The following PLEKHM3 variants were observed in gnomAD, a reference collection of about 807,000 sequenced individuals.
PLEKHM3 encodes the protein pleckstrin homology domain-containing family M member 3.
In PLEKHM3, 45 loss-of-function variants were observed where a neutral mutation model predicts 81.8. The observed-to-expected ratio is 0.55, with a 90% CI of 0.43 to 0.71. The LOEUF (loss-of-function observed/expected upper bound fraction) is 0.71. PLEKHM3 is among the 30% of genes least tolerant of loss of function. The pLI is 0.00. For synonymous variants in PLEKHM3, 352 were observed against 356.4 expected (o/e 0.99, Z 0.14); for missense variants, 788 against 924.3 (o/e 0.85, Z 1.91).
intron 6 of PLEKHM3, among the ~76,000 whole-genome samples, chr2:207,886,284 G>A (rs774685821): frequency 6.6e-5 from 10 of 152,108 alleles, no homozygotes; most frequent in Non-Finnish European, 1.5e-4. Flanking sequence ...TATGAGCCCA[G>A]GGGATTCCAA....
chr2:207,868,765 C>G (rs567445416), intron 6 of PLEKHM3: 3 of 152,114 alleles, frequency 2.0e-5, no homozygotes, highest in African/African-American at 7.2e-5. Flanking sequence ...AGGAAAAAAG[C>G]TATGAAGGCC....
chr2:207,896,871 C>A (rs1018208620), intron 6 of PLEKHM3, among the ~76,000 whole-genome samples: 8 of 152,104 alleles, frequency 5.3e-5, no homozygotes, highest in African/African-American at 1.7e-4. Flanking sequence ...TCTTTAAGCA[C>A]AAAAATGTGT....
intron 6 of PLEKHM3, among the ~76,000 whole-genome samples, chr2:207,872,359 T>C (rs574959646): frequency 9.8e-5 from 15 of 152,342 alleles, no homozygotes; most frequent in Admixed American, 3.3e-4. Context: ...CTTTGGCTTA[T>C]TGAAAAATAA....
intron 6 of PLEKHM3, among the ~76,000 whole-genome samples, chr2:207,871,014 G>A (rs2092531126): frequency 6.6e-6 from 1 of 152,096 alleles, no homozygotes; most frequent in Non-Finnish European, 1.5e-5. Flanking sequence ...AGGCTGAGGT[G>A]GGAGGATCCC....
At chr2:207,897,009 A>T (rs1688246447) in intron 6 of PLEKHM3, among the ~76,000 whole-genome samples, 1 of 152,236 alleles carries the variant, frequency 6.6e-6, no homozygotes, top group South Asian at 2.1e-4. Context: ...GAGGGTAGGT[A>T]GTACCACTCA....
At chr2:207,829,511 A>C (rs1485360835) in intron 7 of PLEKHM3, among the ~76,000 whole-genome samples, 1 of 152,180 alleles carries the variant, frequency 6.6e-6, no homozygotes, top group African/African-American at 2.4e-5. Context: ...TCTTGACCTC[A>C]GGTGATCCAC....
chr2:208,013,923 T>C (rs563647723), intron 1 of PLEKHM3, among the ~76,000 whole-genome samples: 5 of 152,332 alleles, frequency 3.3e-5, no homozygotes, highest in South Asian at 2.1e-4. Flanking sequence ...AAGTAATTAG[T>C]TGATTTATTT....
intron 5 of PLEKHM3, among the ~76,000 whole-genome samples, chr2:207,910,980 C>T (rs1026257125): frequency 2.0e-5 from 3 of 152,096 alleles, no homozygotes; most frequent in Admixed American, 6.5e-5. Flanking sequence ...ATGGTGATGC[C>T]ATTGGCCAAC....
intron 3 of PLEKHM3, among the ~76,000 whole-genome samples, chr2:207,952,659 C>T (rs905542845): frequency 2.0e-5 from 3 of 152,122 alleles, no homozygotes; most frequent in Non-Finnish European, 2.9e-5. Flanking sequence ...ACACAGGGCA[C>T]AAGCAATTTT....
At chr2:207,977,681 A>C in intron 2 of PLEKHM3, 95 bp from the exon 3 acceptor site, 1 of 1,064,322 alleles carries the variant, frequency 9.4e-7, no homozygotes, top group Non-Finnish European at 1.4e-6. Flanking sequence ...GAAACCACAC[A>C]GATCAGGGAC....
intron 3 of PLEKHM3, among the ~76,000 whole-genome samples, chr2:207,970,028 T>C (rs1444165881): frequency 6.6e-6 from 1 of 152,142 alleles, no homozygotes; most frequent in Non-Finnish European, 1.5e-5. Context: ...TTTTCTTTCT[T>C]CTCATACTGC....
In PLEKHM3 at chr2:207,966,969, G is replaced by C. The variant is rs372155627; in HGVS notation, c.1546+9682C>G. On this transcript the variant is annotated intron_variant, in intron 3 of 7. Coordinates refer to ENST00000427836, the MANE Select transcript of PLEKHM3 (RefSeq NM_001080475.3). The stretch of plus-strand genomic sequence containing the variant: ...TTCTTTATGGATCTGTTTTGTAAAA[G>C]CTTTCCTTTTCTTTCTTTTATTTTT... Among the ~76,000 whole-genome samples, 120 of 152,082 alleles carry C rather than the reference G, an allele frequency of 7.9e-4. 2 individuals are homozygous for C. Among genetic ancestry groups the C allele is most frequent in the African/African-American group, 2.7e-3 (114 of 41,504 alleles).
At chr2:207,840,424 T>G (rs931846519) in intron 7 of PLEKHM3, among the ~76,000 whole-genome samples, 10 of 152,212 alleles carry the variant, frequency 6.6e-5, no homozygotes, top group Admixed American at 2.6e-4. Flanking sequence ...CTCAAACTCC[T>G]GGCCTCAATG....
At chr2:207,941,453 G>C (rs895376332) in intron 4 of PLEKHM3, among the ~76,000 whole-genome samples, 2 of 151,984 alleles carry the variant, frequency 1.3e-5, no homozygotes, top group African/African-American at 4.8e-5. Flanking sequence ...GACCCCCTCA[G>C]GATATACAAA....
At chr2:208,012,619 G>A (rs1231803286) in intron 1 of PLEKHM3, among the ~76,000 whole-genome samples, 1 of 152,158 alleles carries the variant, frequency 6.6e-6, no homozygotes, top group African/African-American at 2.4e-5. Flanking sequence ...TGAGAGAAGT[G>A]TGGCAATGGG....
intron 6 of PLEKHM3, among the ~76,000 whole-genome samples, chr2:207,877,754 C>T (rs960589721): frequency 3.9e-5 from 6 of 152,208 alleles, no homozygotes; most frequent in African/African-American, 9.7e-5. Context: ...GAAGCTACTA[C>T]TGTCTTATCT....
At chr2:207,852,830 C>A (rs2092419603) in intron 7 of PLEKHM3, 1 of 431,630 alleles carries the variant, frequency 2.3e-6, no homozygotes, top group African/African-American at 2.1e-5. Flanking sequence ...ATATGGGTCT[C>A]CGAATCTAAA....
rs967563948 is a variant in PLEKHM3 at position 207,831,910 on chromosome 2, C to T, written c.2109-3414G>A. Among the ~76,000 whole-genome samples, 4 of 152,192 alleles carry T rather than the reference C, an allele frequency of 2.6e-5. No individual in the cohort carries two copies. In the South Asian group the frequency reaches 8.3e-4, roughly 32 times the overall value. Reference sequence around the variant, plus strand: ...TATCATATAAATTTCCTCCTTCCAGCCCCCTTTCCCCTGCTGGGTTAGTCA... The same window carrying T: ...TATCATATAAATTTCCTCCTTCCAGTCCCCTTTCCCCTGCTGGGTTAGTCA... On this transcript the variant is annotated intron_variant, in intron 7 of 7. Coordinates refer to ENST00000427836, the MANE Select transcript of PLEKHM3 (RefSeq NM_001080475.3).
chr2:207,880,472 A>G (rs1451672078), intron 6 of PLEKHM3, among the ~76,000 whole-genome samples: 2 of 151,302 alleles, frequency 1.3e-5, no homozygotes, highest in Non-Finnish European at 2.9e-5. Context: ...CTTCACAAAT[A>G]AAAAATAGAG....
Sources: allele counts gnomAD v4.1 joint callset (sites outside exome capture counted in the v4.1 genomes callset), GRCh38; gene constraint gnomAD v4.1.1; transcripts MANE v1.5; gene names NCBI Gene and HGNC (gene_info 2026-07-23, HGNC 2026-07-21).